NRXN3: variants seen among roughly 807,000 people sequenced by gnomAD.
NRXN3 encodes the protein neurexin III.
Under a neutral mutation model 137.6 loss-of-function variants are expected in NRXN3, and 32 were observed. That is an observed-to-expected ratio of 0.23 (90% CI 0.18 to 0.31). The LOEUF is 0.31. NRXN3 is among the 10% of genes least tolerant of loss of function. NRXN3 has a pLI of 1.00. For synonymous variants in NRXN3, 798 were observed against 784.5 expected (o/e 1.02, Z -0.29); for missense variants, 1,574 against 2,062.5 (o/e 0.76, Z 4.59).
chr14:79,810,432 T>C (rs919848664), intron 20 of NRXN3, among the ~76,000 whole-genome samples: 21 of 152,214 alleles, frequency 1.4e-4, no homozygotes, highest in African/African-American at 4.6e-4. Context: ...AATAAGACTG[T>C]GCTAAGCAGC....
At chr14:78,446,184 A>G (rs546303527) in intron 4 of NRXN3, among the ~76,000 whole-genome samples, 3 of 152,274 alleles carry the variant, frequency 2.0e-5, no homozygotes, top group South Asian at 2.1e-4. Flanking sequence ...TTTTTAACTC[A>G]GCGCAAGTTT....
At position 79,295,393 on chromosome 14, in the gene NRXN3, A is replaced by C. The variant is rs115871554; in HGVS notation, c.3263-171828A>C. Among the ~76,000 whole-genome samples, 991 of 152,200 alleles carry C rather than the reference A, an allele frequency of 6.5e-3. 6 individuals are homozygous for C. The highest frequency in any genetic ancestry group is 0.023 in the African/African-American group (956 of 41,530). Reference sequence around the variant, plus strand: ...TAGAAGGATCAAGATTATATGAAAAAATTTAAAAAAATAAAAAATAAAAAG... The same window carrying C: ...TAGAAGGATCAAGATTATATGAAAACATTTAAAAAAATAAAAAATAAAAAG... On this transcript the variant is annotated intron_variant, in intron 15 of 20. Transcript: ENST00000335750.
intron 3 of NRXN3, among the ~76,000 whole-genome samples, chr14:78,283,756 G>A (rs1283892355): frequency 6.6e-6 from 1 of 152,144 alleles, no homozygotes; most frequent in East Asian, 1.9e-4. Flanking sequence ...TGATCCACCT[G>A]CCTCAGCCTC....
At chr14:78,418,047 A>G (rs374617496) in intron 4 of NRXN3, among the ~76,000 whole-genome samples, 2 of 152,256 alleles carry the variant, frequency 1.3e-5, no homozygotes, top group South Asian at 2.1e-4. Flanking sequence ...ATGAGCCCCC[A>G]AGCCTGGCCT....
chr14:78,958,591 C>A (rs995270380), intron 11 of NRXN3, among the ~76,000 whole-genome samples: 1 of 152,076 alleles, frequency 6.6e-6, no homozygotes, highest in Non-Finnish European at 1.5e-5. Context: ...TCCTGACCTC[C>A]TGATCCACCC....
chr14:79,233,729 G>GCCTTAA (rs1280582236), intron 15 of NRXN3, among the ~76,000 whole-genome samples: 1 of 151,520 alleles, frequency 6.6e-6, no homozygotes, highest in Non-Finnish European at 1.5e-5. Context: ...ACGAGGATTA[G>GCCTTAA]ACTTAAATTT....
intron 19 of NRXN3, among the ~76,000 whole-genome samples, chr14:79,784,855 T>C (rs1315222689): frequency 1.3e-5 from 2 of 152,114 alleles, no homozygotes; most frequent in Admixed American, 1.3e-4. Context: ...GGTGTGAACA[T>C]GACCATTTAA....
At chr14:78,465,516 G>GT (rs1187695478) in intron 4 of NRXN3, among the ~76,000 whole-genome samples, 1 of 152,044 alleles carries the variant, frequency 6.6e-6, no homozygotes, top group Non-Finnish European at 1.5e-5. Flanking sequence ...GAGATTTAAG[G>GT]TTTTTTGTTT....
intron 10 of NRXN3, among the ~76,000 whole-genome samples, chr14:78,952,107 C>T (rs1267329569): frequency 1.3e-5 from 2 of 152,154 alleles, no homozygotes; most frequent in African/African-American, 4.8e-5. Flanking sequence ...AAAATCCCTG[C>T]ACCTTCCACA....
chr14:78,982,703 C>A (rs7142893), intron 14 of NRXN3, among the ~76,000 whole-genome samples: 2 of 152,002 alleles, frequency 1.3e-5, no homozygotes, highest in Non-Finnish European at 2.9e-5. Flanking sequence ...TAGAAGAAAA[C>A]GTACAGGAAG....
At chr14:78,292,428 C>T (rs894382644) in intron 3 of NRXN3, among the ~76,000 whole-genome samples, 1 of 152,128 alleles carries the variant, frequency 6.6e-6, no homozygotes, top group African/African-American at 2.4e-5. Flanking sequence ...CCCTGAGAAC[C>T]TGTGCGCCAC....
At chr14:79,316,167 G>GA (rs1277858146) in intron 15 of NRXN3, among the ~76,000 whole-genome samples, 14 of 152,110 alleles carry the variant, frequency 9.2e-5, no homozygotes, top group South Asian at 6.2e-4. Flanking sequence ...GAGAATGCTG[G>GA]AAAAAACATT....
At chr14:78,526,399 C>T (rs1274937157) in intron 4 of NRXN3, among the ~76,000 whole-genome samples, 1 of 152,204 alleles carries the variant, frequency 6.6e-6, no homozygotes, top group African/African-American at 2.4e-5. Context: ...CTCATGTCAA[C>T]ATGATGCAAA....
chr14:79,656,897 A>G (rs1477452416), intron 16 of NRXN3, among the ~76,000 whole-genome samples: 1 of 152,152 alleles, frequency 6.6e-6, no homozygotes, highest in East Asian at 1.9e-4. Flanking sequence ...TGAATTTTCT[A>G]GGGACAATGT....
chr14:78,508,427 G>A (rs2096038987), intron 4 of NRXN3, among the ~76,000 whole-genome samples: 1 of 152,072 alleles, frequency 6.6e-6, no homozygotes, highest in Admixed American at 6.5e-5. Flanking sequence ...CTTGATCTCT[G>A]GCTTTCCTGG....
At chr14:79,501,003 A>T (rs1377210308) in intron 16 of NRXN3, among the ~76,000 whole-genome samples, 1 of 152,080 alleles carries the variant, frequency 6.6e-6, no homozygotes, top group African/African-American at 2.4e-5. Flanking sequence ...AACATTTCTC[A>T]TACTTGCCTG....
intron 15 of NRXN3, among the ~76,000 whole-genome samples, chr14:79,124,292 C>T (rs750716522): frequency 6.6e-6 from 1 of 152,154 alleles, no homozygotes; most frequent in Non-Finnish European, 1.5e-5. Context: ...ACAAAAGGCT[C>T]TCTGGCTGGC....
intron 19 of NRXN3, among the ~76,000 whole-genome samples, chr14:79,745,086 C>A (rs553928448): frequency 6.7e-6 from 1 of 149,564 alleles, no homozygotes; most frequent in Non-Finnish European, 1.5e-5. Context: ...AAGTTCAGAG[C>A]GAAAAGAAAA....
intron 15 of NRXN3, among the ~76,000 whole-genome samples, chr14:79,386,304 C>T (rs2094613909): frequency 6.6e-6 from 1 of 152,068 alleles, no homozygotes; most frequent in Non-Finnish European, 1.5e-5. Context: ...TTCTTATATA[C>T]CAATAACAGA....
Sources: gnomAD v4.1 joint callset for allele counts (sites outside exome capture counted in the v4.1 genomes callset) on GRCh38, gnomAD v4.1.1 for gene constraint, MANE v1.5 for transcripts, NCBI Gene and HGNC (gene_info 2026-07-23, HGNC 2026-07-21) for gene names.